The following COL6A2 variants were observed in gnomAD, a reference collection of about 807,000 sequenced individuals.
COL6A2 encodes the protein collagen type VI alpha 2 chain.
Under a neutral mutation model 124.9 loss-of-function variants are expected in COL6A2, and 90 were observed. The ratio of observed to expected loss-of-function variants is 0.72; its 90% CI spans 0.61 to 0.86. COL6A2 has a LOEUF of 0.86. COL6A2 is among the 40% of genes least tolerant of loss of function. COL6A2 has a pLI of 0.00. For missense variants in COL6A2, 1,607 were observed against 1,502.5 expected, an observed-to-expected ratio of 1.07 and a Z score of -1.15; for synonymous variants, 793 against 618.2, an observed-to-expected ratio of 1.28 and a Z score of -4.19.
At chr21:46,115,017 C>A (rs906413158) in intron 5 of COL6A2, among the ~76,000 whole-genome samples, 28 of 152,368 alleles carry the variant, frequency 1.8e-4, no homozygotes, top group African/African-American at 6.7e-4. Flanking sequence ...TGAGACATCT[C>A]GAGGCTGCAG....
At position 46,102,552 on chromosome 21, in the gene COL6A2, T is replaced by C. The variant is rs567844064; in HGVS notation, c.-28+4379T>C. 8.5e-5 allele frequency among the ~76,000 whole-genome samples: 13 copies of C among 152,332 alleles called. No homozygotes were observed. In the South Asian group the frequency reaches 1.9e-3, roughly 22 times the overall value. On this transcript the variant is annotated intron_variant, in intron 1 of 27. Coordinates refer to ENST00000300527, the MANE Select transcript of COL6A2 (RefSeq NM_001849.4). ...TTTTCGTATAATATGGCTTTTATTA[T>C]GTTAAGGTTGTTTCCTTCTATTCCT... is the stretch of plus-strand genomic sequence containing the variant.
intron 21 of COL6A2, 46 bp downstream of exon 21, chr21:46,122,983 G>T: frequency 6.3e-7 from 1 of 1,581,466 alleles, no homozygotes; most frequent in Non-Finnish European, 8.7e-7. Context: ...GCAGAGGCAG[G>T]GAGGGGCCCT....
chr21:46,113,840 C>A, intron 4 of COL6A2, 168 bp from the exon 5 acceptor site: 1 of 692,358 alleles, frequency 1.4e-6, no homozygotes. Context: ...CAGAGCCTCA[C>A]AGCACCCCAT....
intron 27 of COL6A2, among the ~76,000 whole-genome samples, chr21:46,128,563 A>T (rs1351388628): frequency 6.6e-6 from 1 of 152,140 alleles, no homozygotes. Context: ...AGGCCTGTGG[A>T]GTTCTCAGTT....
rs549131631 is a variant in COL6A2, at chr21:46,108,986, C to G, written c.-27-2464C>G. Among the ~76,000 whole-genome samples the G allele has an allele frequency of 2.0e-5, 3 of 152,286 alleles. 1 individual carries two copies. The East Asian group carries it at 5.8e-4, about 30-fold the overall frequency. On this transcript the variant is annotated intron_variant, in intron 1 of 27. Coordinates refer to ENST00000300527, the MANE Select transcript of COL6A2 (RefSeq NM_001849.4). ...AGGAGACCCGCAGGGGGCAGCCCCT[C>G]TCTGTAGGCGGGTTGTCTTGTCGGC...
At chr21:46,119,512 A>G (rs2078527219) in intron 14 of COL6A2, among the ~76,000 whole-genome samples, 3 of 152,038 alleles carry the variant, frequency 2.0e-5, no homozygotes, top group African/African-American at 7.2e-5. Flanking sequence ...CTAAAACGCC[A>G]CTCACCAGAC....
Position 46,132,028 on chromosome 21 carries a change from G to A in COL6A2, c.2536G>A (p.Glu846Lys), listed in dbSNP as rs772005975. The A allele has an allele frequency of 6.2e-5, 100 of 1,608,818 alleles. No homozygotes were observed. The highest frequency in any genetic ancestry group is 2.5e-4 in the East Asian group (11 of 44,822). Residue 846 changes from glutamate to lysine, a missense_variant, in exon 28 of 28, where the codon GAG becomes AAG. Physicochemically the swap from Glu to Lys is moderately conservative, Grantham distance 56. This residue lies in a region of COL6A2 where 1,223 missense variants were observed against 1,052.2 expected (regional missense o/e 1.16). Coordinates refer to ENST00000300527, the MANE Select transcript of COL6A2 (RefSeq NM_001849.4). ...GCTGGACGGCTCCGAGCGGCTGGGT[G>A]AGCAGAACTTCCACAAGGCCCGGCG... Reference protein sequence around the residue: ...FLLDGSERLGEQNFHKARRFV... With the variant: ...FLLDGSERLGKQNFHKARRFV...
chr21:46,106,761 G>A (rs1051025272), intron 1 of COL6A2, among the ~76,000 whole-genome samples: 3 of 152,196 alleles, frequency 2.0e-5, no homozygotes, highest in African/African-American at 7.2e-5. Flanking sequence ...GTTGTGTGGA[G>A]TGTTGGCCTG....
intron 1 of COL6A2, 73 bp from the exon 2 acceptor site, chr21:46,111,377 T>C: frequency 1.2e-6 from 1 of 820,974 alleles, no homozygotes; most frequent in Non-Finnish European, 2.0e-6. Flanking sequence ...CTGCTGTGCG[T>C]GCGCCTGCCA....
intron 4 of COL6A2, 97 bp downstream of exon 4, chr21:46,112,921 A>G: frequency 6.6e-7 from 1 of 1,514,702 alleles, no homozygotes; most frequent in Admixed American, 1.7e-5. Flanking sequence ...CCAGGCTGGA[A>G]CAGATGAGAG....
At chr21:46,114,763 T>C (rs536637421) in intron 5 of COL6A2, among the ~76,000 whole-genome samples, 4 of 152,304 alleles carry the variant, frequency 2.6e-5, no homozygotes, top group African/African-American at 9.6e-5. Context: ...CCCCTGCATT[T>C]TCCTAACAGA....
intron 11 of COL6A2, 70 bp from the exon 12 acceptor site, chr21:46,117,804 C>T (rs2078496580): frequency 3.3e-6 from 5 of 1,510,598 alleles, no homozygotes; most frequent in Non-Finnish European, 3.6e-6. Context: ...CAATGGAGCA[C>T]TTGGGCCCTG....
In COL6A2 at chr21:46,132,402, A is replaced by T; in HGVS notation, c.2910A>T (p.Val970=). Residue 970 remains valine, a synonymous_variant, in exon 28 of 28, where the codon GTA becomes GTT. Transcript: ENST00000300527. ...SAHSMRKQNV[V]PTVLALGSDV... ...ACTCCATGCGCAAGCAGAACGTGGT[A>T]CCCACCGTGCTGGCCTTGGGCAGCG... 1 of 1,609,210 alleles carries T rather than the reference A, an allele frequency of 6.2e-7. No individual in the cohort carries two copies. Among genetic ancestry groups the T allele is most frequent in the Non-Finnish European group, 8.5e-7 (1 of 1,178,876 alleles).
intron 5 of COL6A2, 32 bp from the exon 6 acceptor site, chr21:46,115,840 C>T (rs2078461434): frequency 6.2e-7 from 1 of 1,610,520 alleles, no homozygotes; most frequent in Non-Finnish European, 8.5e-7. Flanking sequence ...CCACCCTACC[C>T]TGCCTCGATG....
At chr21:46,126,451 G>C in intron 26 of COL6A2, 52 bp from the exon 27 acceptor site, 1 of 1,609,036 alleles carries the variant, frequency 6.2e-7, no homozygotes, top group South Asian at 1.1e-5. Context: ...GGCCGCTGAG[G>C]GTTCGCTAGG....
chr21:46,131,951 C>G lies in COL6A2; in HGVS notation c.2462-3C>G, dbSNP rs766469768. 6.3e-7 allele frequency: 1 copy of G among 1,596,724 alleles called. No individual in the cohort carries two copies. The highest frequency in any genetic ancestry group is 8.5e-7 in the Non-Finnish European group (1 of 1,174,054). On this transcript the variant is annotated splice_region_variant and splice_polypyrimidine_tract_variant and intron_variant, in intron 27 of 27. Coordinates refer to ENST00000300527, the MANE Select transcript of COL6A2 (RefSeq NM_001849.4). ...CCCAGCCCGCACCTGCGTCTCCCCA[C>G]AGAGCTGTCCGTGGCACAGTGCACG...
intron 20 of COL6A2, 118 bp downstream of exon 20, chr21:46,122,649 G>A: frequency 8.4e-7 from 1 of 1,197,460 alleles, no homozygotes; most frequent in Non-Finnish European, 1.2e-6. Flanking sequence ...GATGGTCCTG[G>A]CTCCCCAAGG....
chr21:46,111,120 C>A (rs1258777032), intron 1 of COL6A2, among the ~76,000 whole-genome samples: 1 of 152,172 alleles, frequency 6.6e-6, no homozygotes, highest in Non-Finnish European at 1.5e-5. Context: ...GACAGTGGTG[C>A]TCCATTCCCT....
rs888878744 is a variant in COL6A2 at position 46,101,944 on chromosome 21, C to A, written c.-28+3771C>A. Among the ~76,000 whole-genome samples the A allele has an allele frequency of 1.1e-4, 10 of 90,492 alleles. No homozygotes were observed. The East Asian group carries it at 2.1e-3, about 19-fold the overall frequency. The allele number at this position is 90,492 out of a possible 152,430, so 59.4% of individuals were successfully genotyped here. A position where few individuals can be genotyped will look rare whatever the true frequency, so the allele number is the denominator to read the frequency against. ...TATTCACTATTTCTGAAAAAAAAAA[C>A]AATCACTGGGATTTTTATAGGGATT... On this transcript the variant is annotated intron_variant, in intron 1 of 27. Transcript: ENST00000300527.
Sources: gnomAD v4.1 joint callset for allele counts (sites outside exome capture counted in the v4.1 genomes callset) on GRCh38, gnomAD v4.1.1 for gene constraint, gnomAD v4.1.1 regional missense constraint, MANE v1.5 for transcripts, NCBI Gene and HGNC (gene_info 2026-07-23, HGNC 2026-07-21) for gene names.